Variants in NELL2 observed in about 807,000 individuals in gnomAD.
NELL2 encodes the protein protein kinase C-binding protein NELL2.
Under a neutral mutation model 109.6 loss-of-function variants are expected in NELL2, and 41 were observed. That is an observed-to-expected ratio of 0.37 (90% CI 0.29 to 0.49). The LOEUF is 0.49. NELL2 is among the 20% of genes least tolerant of loss of function. NELL2 has a pLI of 0.98. For synonymous variants in NELL2, 355 were observed against 344.7 expected (o/e 1.03, Z -0.33); for missense variants, 900 against 1,008.3 (o/e 0.89, Z 1.45).
chr12:44,510,622 T>C (rs1416639935), intron 19 of NELL2, among the ~76,000 whole-genome samples: 1 of 152,242 alleles, frequency 6.6e-6, no homozygotes, highest in African/African-American at 2.4e-5. Context: ...TTAACTTATT[T>C]GCATCTTTTC....
chr12:44,803,384 G>A (rs1035896302), intron 3 of NELL2, among the ~76,000 whole-genome samples: 3 of 151,976 alleles, frequency 2.0e-5, no homozygotes, highest in African/African-American at 7.2e-5. Flanking sequence ...TAACTGGAAG[G>A]TTATATGTTG....
chr12:44,744,131 T>G (rs1213591910), intron 9 of NELL2, among the ~76,000 whole-genome samples: 2 of 151,992 alleles, frequency 1.3e-5, no homozygotes, highest in Admixed American at 6.6e-5. Context: ...AAACTAGAAC[T>G]CAGGATTAAG....
chr12:44,790,676 T>G (rs1256274068), intron 3 of NELL2, among the ~76,000 whole-genome samples: 1 of 151,316 alleles, frequency 6.6e-6, no homozygotes, highest in Non-Finnish European at 1.5e-5. Flanking sequence ...ATACTAACAT[T>G]GAATGTAAAT....
At chr12:44,673,976 T>C (rs1490896542) in intron 12 of NELL2, among the ~76,000 whole-genome samples, 3 of 152,116 alleles carry the variant, frequency 2.0e-5, no homozygotes, top group Non-Finnish European at 4.4e-5. Flanking sequence ...GAGTATATAA[T>C]GGACATGCAC....
chr12:44,555,369 T>C (rs551727617), intron 15 of NELL2, among the ~76,000 whole-genome samples: 14 of 152,310 alleles, frequency 9.2e-5, no homozygotes, highest in Middle Eastern at 3.4e-3. Flanking sequence ...CCAGCTCTCT[T>C]TTTGAGGTCA....
At chr12:44,568,540 A>AGAT (rs1383438576) in intron 15 of NELL2, among the ~76,000 whole-genome samples, 1 of 152,112 alleles carries the variant, frequency 6.6e-6, no homozygotes, top group Non-Finnish European at 1.5e-5. Flanking sequence ...AATGTTTAAA[A>AGAT]GATAATAACT....
At position 44,665,311 on chromosome 12, in the gene NELL2, GT is replaced by G. The variant is rs566700335; in HGVS notation, c.1444+172del. On this transcript the variant is annotated intron_variant, in intron 13 of 19. Coordinates refer to ENST00000429094, the MANE Select transcript of NELL2 (RefSeq NM_001145108.2). The stretch of plus-strand genomic sequence containing the variant: ...ATATATTTATCCAGAGCAAGCAGGT[GT>G]TTTTTTTCTTTAGAACAGATTAAGA... The G allele has an allele frequency of 6.2e-3, 2,983 of 481,430 alleles. 11 individuals carry two copies. The highest frequency in any genetic ancestry group is 8.1e-3 in the Non-Finnish European group (2,339 of 287,582). The allele number at this position is 481,430 out of a possible 1,614,324, so 29.8% of individuals were successfully genotyped here.
intron 3 of NELL2, among the ~76,000 whole-genome samples, chr12:44,788,516 A>T (rs1942264283): frequency 6.6e-6 from 1 of 152,202 alleles, no homozygotes; most frequent in Non-Finnish European, 1.5e-5. Context: ...CTGGGAGCTC[A>T]CTGAGTCTCC....
chr12:44,772,785 C>CT (rs1320787306), intron 9 of NELL2, among the ~76,000 whole-genome samples: 157 of 149,346 alleles, frequency 1.1e-3, no homozygotes, highest in Middle Eastern at 3.5e-3. Flanking sequence ...GGGCCTATGG[C>CT]TTTTTTTTTT....
chr12:44,800,141 T>A (rs1427096198), intron 3 of NELL2, among the ~76,000 whole-genome samples: 1 of 152,206 alleles, frequency 6.6e-6, no homozygotes, highest in East Asian at 1.9e-4. Context: ...TATAAGACAC[T>A]ACTATGTACT....
chr12:44,849,859 GTTAAC>G (rs758585817), intron 2 of NELL2, among the ~76,000 whole-genome samples: 6 of 152,064 alleles, frequency 3.9e-5, no homozygotes, highest in Admixed American at 2.6e-4. Context: ...ATTTAAAGAT[GTTAAC>G]TTAAGTGAAA....
intron 3 of NELL2, among the ~76,000 whole-genome samples, chr12:44,798,683 A>C (rs1403497207): frequency 6.6e-6 from 1 of 152,282 alleles, no homozygotes; most frequent in Admixed American, 6.5e-5. Context: ...TCTTGAAAAA[A>C]GCAAAATTTG....
At chr12:44,590,792 C>T (rs1301835587) in intron 15 of NELL2, among the ~76,000 whole-genome samples, 1 of 151,940 alleles carries the variant, frequency 6.6e-6, no homozygotes, top group Non-Finnish European at 1.5e-5. Context: ...AACCGAAAAG[C>T]TTCTGCATAG....
chr12:44,651,667 A>C (rs1947302674), intron 13 of NELL2, among the ~76,000 whole-genome samples: 1 of 152,156 alleles, frequency 6.6e-6, no homozygotes, highest in African/African-American at 2.4e-5. Context: ...CTTTGACATT[A>C]ATTCTTATAG....
chr12:44,887,188 T>C (rs1815901689), intron 1 of NELL2, among the ~76,000 whole-genome samples: 2 of 152,030 alleles, frequency 1.3e-5, no homozygotes, highest in Non-Finnish European at 2.9e-5. Flanking sequence ...TGTTTGTTTG[T>C]TTGCTTGTTT....
intron 15 of NELL2, among the ~76,000 whole-genome samples, chr12:44,548,005 A>G (rs1164710878): frequency 6.6e-6 from 1 of 152,186 alleles, no homozygotes; most frequent in Non-Finnish European, 1.5e-5. Context: ...AGTCTTACCA[A>G]AACAAAATGT....
intron 15 of NELL2, among the ~76,000 whole-genome samples, chr12:44,556,928 T>C (rs1343656839): frequency 2.6e-5 from 4 of 151,948 alleles, no homozygotes; most frequent in Non-Finnish European, 5.9e-5. Flanking sequence ...AGAGACAAGG[T>C]GAATATATAG....
chr12:44,891,654 T>C (rs1251214219), intron 1 of NELL2, among the ~76,000 whole-genome samples: 1 of 152,202 alleles, frequency 6.6e-6, no homozygotes, highest in African/African-American at 2.4e-5. Context: ...TGATTCTGTA[T>C]AGAAAAGGGA....
chr12:44,829,125 C>A (rs1032228997), intron 2 of NELL2, among the ~76,000 whole-genome samples: 7 of 152,066 alleles, frequency 4.6e-5, no homozygotes, highest in African/African-American at 1.7e-4. Flanking sequence ...ATCATCTCTT[C>A]CTCTAACTGC....
Sources: gnomAD v4.1 joint callset for allele counts (sites outside exome capture counted in the v4.1 genomes callset) on GRCh38, gnomAD v4.1.1 for gene constraint, MANE v1.5 for transcripts, NCBI Gene and HGNC (gene_info 2026-07-23, HGNC 2026-07-21) for gene names.